Variants in CCDC3 observed in about 807,000 individuals in gnomAD.
CCDC3 encodes coiled-coil domain containing 3.
In CCDC3, 24 loss-of-function variants were observed where a neutral mutation model predicts 21.4. The ratio of observed to expected loss-of-function variants is 1.12; its 90% CI spans 0.81 to 1.58. The LOEUF is 1.58. Among genes scored for constraint, CCDC3 ranks in the 40% most tolerant of loss-of-function variants. The pLI is 0.00. For synonymous variants in CCDC3, 186 were observed against 166.0 expected, an observed-to-expected ratio of 1.12 and a Z score of -0.93; for missense variants, 425 against 360.9, an observed-to-expected ratio of 1.18 and a Z score of -1.44.
intron 2 of CCDC3, among the ~76,000 whole-genome samples, chr10:12,929,930 A>T (rs1834613410): frequency 6.6e-6 from 1 of 152,242 alleles, no homozygotes; most frequent in African/African-American, 2.4e-5. Context: ...AACAGAAGGC[A>T]CAATCAGAGA....
chr10:12,943,669 G>A (rs918046035), intron 2 of CCDC3, among the ~76,000 whole-genome samples: 1 of 152,148 alleles, frequency 6.6e-6, no homozygotes, highest in Non-Finnish European at 1.5e-5. Context: ...GCCTCTTTGT[G>A]TACTATGTAA....
At position 12,969,081 on chromosome 10, in the gene CCDC3, A is replaced by G. The variant is rs1446677779; in HGVS notation, c.549+29257T>C. Among the ~76,000 whole-genome samples the G allele has an allele frequency of 2.6e-5, 4 of 152,220 alleles. No individual in the cohort carries two copies. The East Asian group carries it at 7.7e-4, about 29-fold the overall frequency. ...ACACCTGATAAGAAGTTAATATTCA[A>G]AACATACAGGGAACTGAAACTACTC... On this transcript the variant is annotated intron_variant, in intron 2 of 2. Transcript: ENST00000378825.
intron 2 of CCDC3, among the ~76,000 whole-genome samples, chr10:12,968,653 A>G (rs1245953811): frequency 1.3e-5 from 2 of 152,204 alleles, no homozygotes; most frequent in African/African-American, 4.8e-5. Context: ...AGATGAAACT[A>G]TTTAAAATAA....
chr10:13,014,244 G>A (rs1048532830), intron 5 of CCDC3, among the ~76,000 whole-genome samples: 1 of 151,618 alleles, frequency 6.6e-6, no homozygotes, highest in African/African-American at 2.4e-5. Flanking sequence ...ACAAGGTCAG[G>A]AGATTGAGAC....
At chr10:13,013,206 C>T (rs1238042199) in intron 5 of CCDC3, among the ~76,000 whole-genome samples, 2 of 152,140 alleles carry the variant, frequency 1.3e-5, no homozygotes, top group Non-Finnish European at 2.9e-5. Flanking sequence ...ACCCAGCAGC[C>T]AGATTTTGGT....
At chr10:12,912,124 C>A (rs931974263) in intron 2 of CCDC3, among the ~76,000 whole-genome samples, 1 of 150,360 alleles carries the variant, frequency 6.7e-6, no homozygotes, top group East Asian at 2.0e-4. Context: ...GATATCTCTT[C>A]GACATACTGA....
chr10:12,947,519 T>C (rs916576911), intron 2 of CCDC3, among the ~76,000 whole-genome samples: 3 of 152,182 alleles, frequency 2.0e-5, no homozygotes, highest in Admixed American at 6.5e-5. Flanking sequence ...TAAAAATACA[T>C]GAGGCACTGA....
chr10:13,072,376 CG>C (rs1836894318), intron 4 of CCDC3, among the ~76,000 whole-genome samples: 1 of 84,758 alleles, frequency 1.2e-5, no homozygotes, highest in Admixed American at 1.1e-4. Context: ...TTATTCTAAC[CG>C]CCGTTGGATG....
Position 12,986,729 on chromosome 10 carries a change from T to C in CCDC3, c.549+11609A>G, listed in dbSNP as rs779938845. 2.0e-3 allele frequency among the ~76,000 whole-genome samples: 297 copies of C among 149,708 alleles called. 3 individuals carry two copies. The highest frequency in any genetic ancestry group is 9.8e-3 in the Admixed American group (146 of 14,948). ...CGGAGCTTGCAGTGAGCCGAGATCG[T>C]GCCACTGCACCCCAGCCTGGGCGGC... On this transcript the variant is annotated intron_variant, in intron 2 of 2. Transcript: ENST00000378825.
intron 3 of CCDC3, among the ~76,000 whole-genome samples, chr10:13,091,133 A>G (rs11258185): frequency 0.077 from 11,710 of 152,220 alleles, 596 homozygotes; most frequent in East Asian, 0.22. Context: ...CTCACTGGCA[A>G]CCAACTGGAT....
intron 2 of CCDC3, among the ~76,000 whole-genome samples, chr10:12,922,199 G>A (rs1476590699): frequency 6.6e-6 from 1 of 152,092 alleles, no homozygotes; most frequent in African/African-American, 2.4e-5. Flanking sequence ...ATGGTTCTTT[G>A]CTCTCTTACA....
intron 5 of CCDC3, among the ~76,000 whole-genome samples, chr10:13,042,715 T>C (rs1161518319): frequency 6.6e-6 from 1 of 151,830 alleles, no homozygotes; most frequent in Non-Finnish European, 1.5e-5. Flanking sequence ...GAGACCATCC[T>C]GGCTAACATG....
intron 2 of CCDC3, among the ~76,000 whole-genome samples, chr10:12,981,804 A>T (rs1195243973): frequency 6.6e-6 from 1 of 152,100 alleles, no homozygotes; most frequent in Non-Finnish European, 1.5e-5. Flanking sequence ...TCATAGTGAT[A>T]CCACATGATT....
intron 5 of CCDC3, among the ~76,000 whole-genome samples, chr10:13,010,723 G>A (rs1490293007): frequency 6.6e-6 from 1 of 152,076 alleles, no homozygotes; most frequent in Non-Finnish European, 1.5e-5. Context: ...CCATCCACAG[G>A]TACATGAAAA....
intron 5 of CCDC3, among the ~76,000 whole-genome samples, chr10:13,042,134 G>A (rs1002029652): frequency 3.3e-5 from 5 of 152,174 alleles, no homozygotes; most frequent in Non-Finnish European, 1.5e-5. Context: ...AAATATTAAC[G>A]ATGCCGTTTC....
At chr10:13,018,235 G>A (rs888761562) in intron 5 of CCDC3, among the ~76,000 whole-genome samples, 3 of 152,102 alleles carry the variant, frequency 2.0e-5, no homozygotes, top group African/African-American at 7.2e-5. Context: ...CTCTGGGGAC[G>A]TGGTGGAAAT....
intron 5 of CCDC3, among the ~76,000 whole-genome samples, chr10:13,028,026 C>T (rs1836247510): frequency 6.6e-6 from 1 of 152,142 alleles, no homozygotes; most frequent in African/African-American, 2.4e-5. Context: ...CCTCTGTTTA[C>T]AACGACCAGG....
chr10:12,978,072 G>A (rs549589750), intron 2 of CCDC3, among the ~76,000 whole-genome samples: 3 of 151,476 alleles, frequency 2.0e-5, no homozygotes, highest in South Asian at 2.1e-4. Context: ...AGGCTGGAGT[G>A]CAGTGACACA....
chr10:13,023,813 T>C (rs886871512), intron 5 of CCDC3, among the ~76,000 whole-genome samples: 1 of 152,162 alleles, frequency 6.6e-6, no homozygotes, highest in Non-Finnish European at 1.5e-5. Flanking sequence ...AGGGGTCTCT[T>C]GGGTGCAACG....
Sources: allele counts gnomAD v4.1 joint callset (sites outside exome capture counted in the v4.1 genomes callset), GRCh38; gene constraint gnomAD v4.1.1; transcripts MANE v1.5; gene names NCBI Gene and HGNC (gene_info 2026-07-23, HGNC 2026-07-21).